HYAL4: variants seen among roughly 807,000 people sequenced by gnomAD.
HYAL4 encodes hyaluronidase-4.
HYAL4 carries 37 observed loss-of-function variants against 35.2 expected under a neutral mutation model. The observed-to-expected ratio is 1.05, with a 90% CI of 0.81 to 1.38. The LOEUF is 1.38. HYAL4 is among the 40% of genes most tolerant of loss of function. The probability of loss-of-function intolerance (pLI) is 0.00; values close to 1 mark genes in which losing one functional copy is unlikely to be tolerated. For missense variants in HYAL4, 572 were observed against 572.4 expected (o/e 1.00, Z 0.01); for synonymous variants, 198 against 203.2 (o/e 0.97, Z 0.22).
At chr7:123,788,422 A>G in the HYAL4 span, among the ~76,000 whole-genome samples, 1 of 152,244 alleles carries the variant, frequency 6.6e-6, no homozygotes, top group African/African-American at 2.4e-5. Context: ...TTCTTCAACC[A>G]TAACATCTTG....
chr7:123,816,589 A>G, the HYAL4 span, among the ~76,000 whole-genome samples: 1 of 152,030 alleles, frequency 6.6e-6, no homozygotes, highest in South Asian at 2.1e-4. Flanking sequence ...TTGCTTTCCT[A>G]TTTTTTGTAC....
intron 1 of HYAL4, among the ~76,000 whole-genome samples, chr7:123,833,132 C>T (rs948679394): frequency 6.6e-6 from 1 of 152,172 alleles, no homozygotes; most frequent in African/African-American, 2.4e-5. Context: ...GGTAGTTCTA[C>T]TTTTATTCTT....
At chr7:123,780,887 A>G in the HYAL4 span, among the ~76,000 whole-genome samples, 1 of 118,472 alleles carries the variant, frequency 8.4e-6, no homozygotes, top group Admixed American at 9.0e-5. Context: ...CTTAAGAGTC[A>G]TCACCACTCC....
At chr7:123,837,608 G>A (rs992038242) in intron 1 of HYAL4, among the ~76,000 whole-genome samples, 7 of 151,914 alleles carry the variant, frequency 4.6e-5, no homozygotes, top group Non-Finnish European at 8.8e-5. Context: ...CATGCGCCAT[G>A]TTGGTGTGCT....
At position 123,831,277 on chromosome 7, in the gene HYAL4, G is replaced by A. The variant is rs564300730; in HGVS notation, c.-257+2153G>A. On this transcript the variant is annotated intron_variant, in intron 1 of 4. Transcript: ENST00000489978. ...CCTTTGACCTTCTCTGCCATGCTGT[G>A]ATGCAGCATGAAAGCCCTCACCAGA... Among the ~76,000 whole-genome samples, 3 of 152,210 alleles carry A rather than the reference G, an allele frequency of 2.0e-5. No individual in the cohort carries two copies. The South Asian group carries it at 6.2e-4, about 32-fold the overall frequency.
At chr7:123,814,819 T>C in the HYAL4 span, 1 of 120,352 alleles carries the variant, frequency 8.3e-6, no homozygotes, top group Non-Finnish European at 1.9e-5. Flanking sequence ...CAGGTAATTG[T>C]CCAAATTGTG....
chr7:123,800,476 T>TA, the HYAL4 span, among the ~76,000 whole-genome samples: 12,705 of 120,284 alleles, frequency 0.11, 627 homozygotes, highest in East Asian at 0.19. Flanking sequence ...GCCTGAAAAT[T>TA]AAAAAAAAAA....
In HYAL4 at chr7:123,876,931, G is replaced by T. The variant is rs766247851; in HGVS notation, c.1222G>T (p.Glu408Ter). The T allele has an allele frequency of 3.7e-6, 6 of 1,614,174 alleles. No homozygotes were observed. The South Asian group carries it at 5.5e-5, about 15-fold the overall frequency. The change falls in exon 5 of 5, where the codon GAG (glutamate) becomes TAG (stop). Residue 408 changes from glutamate (E) to a stop codon, truncating the protein, a stop_gained. Transcript: ENST00000223026. LOFTEE classifies it low-confidence loss of function (END_TRUNC). ...CTTGAACCCTGCAAGTTACCACATA[G>T]AGGCCTCTGAGGACGGGGAGTTTAC... Reference protein sequence around the residue: ...LHLNPASYHIEASEDGEFTVK... With the variant: ...LHLNPASYHI
intron 4 of HYAL4, among the ~76,000 whole-genome samples, chr7:123,875,672 A>G (rs1180962591): frequency 6.6e-6 from 1 of 151,172 alleles, no homozygotes; most frequent in Non-Finnish European, 1.5e-5. Flanking sequence ...AAAAAAAAAA[A>G]GAAAAAAAAA....
At chr7:123,844,857 G>A (rs984076647), upstream of HYAL4, among the ~76,000 whole-genome samples, 1 of 152,176 alleles carries the variant, frequency 6.6e-6, no homozygotes, top group African/African-American at 2.4e-5. Context: ...GAATCACCTT[G>A]TCTACTGGTT....
chr7:123,815,104 A>G, the HYAL4 span: 1 of 152,664 alleles, frequency 6.6e-6, no homozygotes, highest in African/African-American at 2.4e-5. Flanking sequence ...AAGCCTATAC[A>G]TAAATGTTTT....
At chr7:123,798,207 A>G in the HYAL4 span, among the ~76,000 whole-genome samples, 5 of 152,220 alleles carry the variant, frequency 3.3e-5, no homozygotes, top group Admixed American at 6.5e-5. Context: ...CAACACACTC[A>G]GATGTTTAAA....
chr7:123,802,087 A>C, the HYAL4 span, among the ~76,000 whole-genome samples: 3 of 152,178 alleles, frequency 2.0e-5, no homozygotes, highest in Admixed American at 6.5e-5. Context: ...AACTGAGCAT[A>C]TGATCTCCAA....
At chr7:123,777,416 T>A in the HYAL4 span, among the ~76,000 whole-genome samples, 1 of 152,212 alleles carries the variant, frequency 6.6e-6, no homozygotes, top group Admixed American at 6.5e-5. Context: ...TTTACTTCAT[T>A]TTAATGTGGC....
upstream of HYAL4, among the ~76,000 whole-genome samples, chr7:123,841,150 G>T (rs1333567976): frequency 2.6e-5 from 4 of 151,942 alleles, no homozygotes; most frequent in Non-Finnish European, 4.4e-5. Flanking sequence ...TTATTATTTT[G>T]AGATATGTTC....
chr7:123,778,399 G>A, the HYAL4 span, among the ~76,000 whole-genome samples: 1 of 151,892 alleles, frequency 6.6e-6, no homozygotes, highest in Admixed American at 6.6e-5. Flanking sequence ...AATTGACGGG[G>A]GTTCAATTCA....
intron 1 of HYAL4, among the ~76,000 whole-genome samples, chr7:123,832,090 T>A (rs1805892502): frequency 6.6e-6 from 1 of 152,122 alleles, no homozygotes; most frequent in Non-Finnish European, 1.5e-5. Context: ...TGGGGTCAAA[T>A]GTCTCTACTG....
chr7:123,825,793 T>C (rs1352058410), upstream of HYAL4, among the ~76,000 whole-genome samples: 1 of 152,112 alleles, frequency 6.6e-6, no homozygotes, highest in Non-Finnish European at 1.5e-5. Context: ...GATGGTTTTC[T>C]TTTTTTGAAG....
At chr7:123,834,343 G>A (rs998548145) in intron 1 of HYAL4, among the ~76,000 whole-genome samples, 21 of 151,640 alleles carry the variant, frequency 1.4e-4, no homozygotes, top group African/African-American at 3.4e-4. Context: ...TTTTTTTTGC[G>A]GTTATTGTAA....
Sources: allele counts gnomAD v4.1 joint callset (sites outside exome capture counted in the v4.1 genomes callset), GRCh38; gene constraint gnomAD v4.1.1; transcripts MANE v1.5; gene names NCBI Gene and HGNC (gene_info 2026-07-23, HGNC 2026-07-21).